TNR: variants seen among roughly 807,000 people sequenced by gnomAD.
TNR encodes tenascin R.
A neutral mutation model predicts 150.4 loss-of-function variants in TNR; 45 were observed. The ratio of observed to expected loss-of-function variants is 0.30; its 90% CI spans 0.24 to 0.38. The LOEUF (loss-of-function observed/expected upper bound fraction) is 0.38. Among genes scored for constraint, TNR ranks in the 10% least tolerant of loss-of-function variants. The probability of loss-of-function intolerance (pLI) is 1.00; values close to 1 mark genes in which losing one functional copy is unlikely to be tolerated. For synonymous variants in TNR, 687 were observed against 678.4 expected, an observed-to-expected ratio of 1.01 and a Z score of -0.20; for missense variants, 1,544 against 1,759.1, an observed-to-expected ratio of 0.88 and a Z score of 2.19.
intron 1 of TNR, among the ~76,000 whole-genome samples, chr1:175,608,153 C>T (rs1307387182): frequency 2.0e-5 from 3 of 152,226 alleles, no homozygotes; most frequent in East Asian, 3.8e-4. Flanking sequence ...AGGCTTATTA[C>T]TCCCTAACAA....
chr1:175,401,313 A>T (rs538866818), intron 4 of TNR, among the ~76,000 whole-genome samples: 1 of 152,196 alleles, frequency 6.6e-6, no homozygotes, highest in East Asian at 1.9e-4. Flanking sequence ...ACAGAATAGC[A>T]TTAACACAGC....
chr1:175,520,359 C>T (rs74127322), intron 2 of TNR, among the ~76,000 whole-genome samples: 4,175 of 152,236 alleles, frequency 0.027, 82 homozygotes, highest in African/African-American at 0.055. Flanking sequence ...ACTCCCTTGG[C>T]CCATGGCCAC....
intron 1 of TNR, among the ~76,000 whole-genome samples, chr1:175,673,223 G>A (rs1056844274): frequency 4.6e-5 from 7 of 152,180 alleles, no homozygotes; most frequent in African/African-American, 1.4e-4. Flanking sequence ...TCTCAAGCCC[G>A]AGCCTGCACT....
Position 175,521,530 on chromosome 1 carries a change from C to T in TNR, c.-64+6739G>A, listed in dbSNP as rs1659639366. Among the ~76,000 whole-genome samples, 3 of 152,212 alleles carry T rather than the reference C, an allele frequency of 2.0e-5. No homozygotes were observed. In the South Asian group the frequency reaches 6.2e-4, roughly 32 times the overall value. On this transcript the variant is annotated intron_variant, in intron 2 of 22. Transcript: ENST00000367674. ...CGGCCTCTAAATTGTTGGTCTTTGG[C>T]CAAGGCAATCCAAGGGTTGGCACAG...
chr1:175,431,135 C>G (rs553748085), intron 2 of TNR, among the ~76,000 whole-genome samples: 35 of 152,164 alleles, frequency 2.3e-4, no homozygotes, highest in South Asian at 1.9e-3. Flanking sequence ...GCATGACATT[C>G]AGCACTGGAC....
chr1:175,450,680 G>T (rs951113517), intron 2 of TNR, among the ~76,000 whole-genome samples: 2 of 152,244 alleles, frequency 1.3e-5, no homozygotes, highest in Non-Finnish European at 2.9e-5. Context: ...AGCACATTTT[G>T]TCTGATGAAT....
chr1:175,373,804 C>G (rs1453066822), intron 9 of TNR, among the ~76,000 whole-genome samples: 3 of 152,156 alleles, frequency 2.0e-5, no homozygotes, highest in African/African-American at 7.2e-5. Context: ...CCCCCTTATC[C>G]CCAGCCTTTA....
chr1:175,689,852 T>C (rs1240663225), intron 1 of TNR, among the ~76,000 whole-genome samples: 1 of 152,182 alleles, frequency 6.6e-6, no homozygotes, highest in Non-Finnish European at 1.5e-5. Context: ...TAAGTCCTTT[T>C]CTCCAATACC....
At chr1:175,416,850 T>C (rs1381572845) in intron 2 of TNR, among the ~76,000 whole-genome samples, 3 of 151,938 alleles carry the variant, frequency 2.0e-5, no homozygotes, top group African/African-American at 4.8e-5. Context: ...CTACTAAAAA[T>C]ACAAAAAATT....
chr1:175,402,029 C>A (rs115259778), intron 4 of TNR, among the ~76,000 whole-genome samples: 1 of 152,060 alleles, frequency 6.6e-6, no homozygotes, highest in Non-Finnish European at 1.5e-5. Context: ...GGAATCAGGC[C>A]GGGCGCGGTG....
intron 1 of TNR, among the ~76,000 whole-genome samples, chr1:175,596,327 A>C (rs1183445515): frequency 6.6e-6 from 1 of 151,934 alleles, no homozygotes; most frequent in East Asian, 1.9e-4. Context: ...AGTTCCCCCC[A>C]CCCGTCGTTC....
At chr1:175,733,041 C>G (rs1667683342) in intron 1 of TNR, among the ~76,000 whole-genome samples, 1 of 152,226 alleles carries the variant, frequency 6.6e-6, no homozygotes, top group African/African-American at 2.4e-5. Context: ...TCCTTCATCA[C>G]TGGCAGGCCT....
At chr1:175,512,369 G>A (rs1308760886) in intron 2 of TNR, among the ~76,000 whole-genome samples, 1 of 152,140 alleles carries the variant, frequency 6.6e-6, no homozygotes, top group Non-Finnish European at 1.5e-5. Flanking sequence ...AAGTCACAAG[G>A]TTTTCTTTTT....
intron 1 of TNR, among the ~76,000 whole-genome samples, chr1:175,593,750 T>C (rs1246653395): frequency 6.6e-6 from 1 of 152,142 alleles, no homozygotes. Context: ...AGAGAAGATG[T>C]TGTGGGTGTC....
intron 2 of TNR, among the ~76,000 whole-genome samples, chr1:175,486,731 C>T (rs1219187046): frequency 2.0e-5 from 3 of 152,234 alleles, no homozygotes; most frequent in Non-Finnish European, 2.9e-5. Context: ...CTAATTTACA[C>T]TCCCACCAAC....
In TNR at chr1:175,341,955, A is replaced by AGGTTACCT. The variant is rs1488840602; in HGVS notation, c.3383-4284_3383-4277dup. On this transcript the variant is annotated intron_variant, in intron 18 of 22. Transcript: ENST00000367674. ...GCAGCCTAAGTCTGCCAACAGGACA[A>AGGTTACCT]GGTTACCTGCTCAGCCCACATGGGG... Among the ~76,000 whole-genome samples the AGGTTACCT allele has an allele frequency of 2.0e-5, 3 of 152,248 alleles. No individual in the cohort carries two copies. In the East Asian group the frequency reaches 5.8e-4, roughly 29 times the overall value.
intron 1 of TNR, among the ~76,000 whole-genome samples, chr1:175,733,734 T>G (rs1452529442): frequency 6.6e-6 from 1 of 151,878 alleles, no homozygotes; most frequent in African/African-American, 2.4e-5. Flanking sequence ...TTTCCTCCCC[T>G]CCAGAACATC....
Position 175,367,223 on chromosome 1 carries a change from T to C in TNR, c.2038A>G (p.Met680Val), listed in dbSNP as rs751117433. ...MNSQQSVPAT[M>V]NARTELDSPR... is the part of the protein sequence containing the mutation. ...TCCTACTCACCAGTCCTGGCATTCA[T>C]GGTGGCTGGCACGCTTTGCTGTGAG... Residue 680 changes from methionine to valine, a missense_variant, in exon 10 of 23, where the codon ATG becomes GTG. Around this residue, in one of 2 missense-constraint regions of TNR, gnomAD observed 1,254 missense variants for 1,329.4 expected, o/e 0.94. Transcript: ENST00000367674. The C allele has an allele frequency of 6.8e-6, 11 of 1,614,046 alleles. No homozygotes were observed. Among genetic ancestry groups the C allele is most frequent in the Non-Finnish European group, 9.3e-6 (11 of 1,180,012 alleles).
rs139078643 is a variant in TNR at position 175,525,626 on chromosome 1, C to T, written c.-64+2643G>A. On this transcript the variant is annotated intron_variant, in intron 2 of 22. Coordinates refer to ENST00000367674, the MANE Select transcript of TNR (RefSeq NM_003285.3). ...AAAGTGGGTTTGCCCACAGCGATGC[C>T]CAAGCCCCGGGTGCCCTCCTTCACC... Among the ~76,000 whole-genome samples, 482 of 152,278 alleles carry T rather than the reference C, an allele frequency of 3.2e-3. 4 individuals are homozygous for T. Among genetic ancestry groups the T allele is most frequent in the Non-Finnish European group, 4.8e-3 (327 of 68,020 alleles).
Sources: gnomAD v4.1 joint callset for allele counts (sites outside exome capture counted in the v4.1 genomes callset) on GRCh38, gnomAD v4.1.1 for gene constraint, gnomAD v4.1.1 regional missense constraint, MANE v1.5 for transcripts, NCBI Gene and HGNC (gene_info 2026-07-23, HGNC 2026-07-21) for gene names.